Variants in PLCL1 observed in about 807,000 individuals in gnomAD.
The protein encoded by PLCL1 is phospholipase C like 1 (inactive).
In PLCL1, 41 loss-of-function variants were observed where a neutral mutation model predicts 84.4. That is an observed-to-expected ratio of 0.49 (90% confidence interval 0.38 to 0.63). The LOEUF is 0.63. PLCL1 is among the 30% of genes least tolerant of loss of function. The probability of loss-of-function intolerance (pLI) is 0.00; values close to 1 mark genes in which losing one functional copy is unlikely to be tolerated. For missense variants in PLCL1, 1,206 were observed against 1,367.8 expected, an observed-to-expected ratio of 0.88 and a Z score of 1.87; for synonymous variants, 490 against 488.3, an observed-to-expected ratio of 1.00 and a Z score of -0.05.
At chr2:197,885,128 C>A (rs1158547017) in intron 1 of PLCL1, among the ~76,000 whole-genome samples, 1 of 152,216 alleles carries the variant, frequency 6.6e-6, no homozygotes, top group African/African-American at 2.4e-5. Flanking sequence ...CTGGAACATT[C>A]GTTCTCATTT....
chr2:197,867,780 G>T (rs563317021), intron 1 of PLCL1, among the ~76,000 whole-genome samples: 1 of 152,188 alleles, frequency 6.6e-6, no homozygotes, highest in South Asian at 2.1e-4. Flanking sequence ...TTCTAGCGTG[G>T]CTCACTGTCC....
At chr2:197,808,419 A>G (rs550479300) in intron 1 of PLCL1, among the ~76,000 whole-genome samples, 6 of 152,328 alleles carry the variant, frequency 3.9e-5, no homozygotes, top group African/African-American at 1.4e-4. Flanking sequence ...TCAAACTTAT[A>G]GCATTTAAAA....
intron 1 of PLCL1, among the ~76,000 whole-genome samples, chr2:197,970,184 T>C (rs1344109967): frequency 6.6e-6 from 1 of 152,200 alleles, no homozygotes; most frequent in African/African-American, 2.4e-5. Flanking sequence ...GGTACCAGCA[T>C]CTGATAAGGG....
At chr2:197,938,121 G>A (rs1689085083) in intron 1 of PLCL1, among the ~76,000 whole-genome samples, 1 of 152,136 alleles carries the variant, frequency 6.6e-6, no homozygotes, top group African/African-American at 2.4e-5. Flanking sequence ...TAGAATTATA[G>A]TTCTTTTCCA....
chr2:197,906,817 T>C (rs1688391958), intron 1 of PLCL1, among the ~76,000 whole-genome samples: 1 of 152,214 alleles, frequency 6.6e-6, no homozygotes, highest in Admixed American at 6.5e-5. Flanking sequence ...TTTATTCTGT[T>C]TGTAGCAATT....
At chr2:197,922,805 G>A (rs1688735440) in intron 1 of PLCL1, among the ~76,000 whole-genome samples, 1 of 132,590 alleles carries the variant, frequency 7.5e-6, no homozygotes, top group African/African-American at 2.7e-5. Context: ...TCCCGGACGG[G>A]GCGGCTGGCC....
Position 197,983,200 on chromosome 2 carries a change from C to CTTTTTTTTTTTTTTTTTTTTT in PLCL1, c.241-100539_241-100519dup, listed in dbSNP as rs760577848. Among the ~76,000 whole-genome samples, 27 of 60,284 alleles carry CTTTTTTTTTTTTTTTTTTTTT rather than the reference C, an allele frequency of 4.5e-4. 1 individual carries two copies. Among genetic ancestry groups the CTTTTTTTTTTTTTTTTTTTTT allele is most frequent in the East Asian group, 1.1e-3 (2 of 1,876 alleles). The allele number at this position is 60,284 out of a possible 152,430, so 39.5% of individuals were successfully genotyped here. On this transcript the variant is annotated intron_variant, in intron 1 of 5. Coordinates refer to ENST00000428675, the MANE Select transcript of PLCL1 (RefSeq NM_006226.4). ...TTTCTTTTTCTTTTTCTTTTCTTTT[C>CTTTTTTTTTTTTTTTTTTTTT]TTTTTTTTTTTTTTTTTTTTTTTTT...
At chr2:197,977,357 G>A (rs1690008351) in intron 1 of PLCL1, among the ~76,000 whole-genome samples, 1 of 151,736 alleles carries the variant, frequency 6.6e-6, no homozygotes, top group African/African-American at 2.4e-5. Flanking sequence ...GCATTTCCAG[G>A]GGCCGTGCAG....
At chr2:198,015,623 T>A (rs139668380) in intron 1 of PLCL1, among the ~76,000 whole-genome samples, 296 of 152,302 alleles carry the variant, frequency 1.9e-3, no homozygotes, top group African/African-American at 6.9e-3. Context: ...TACTTGTTAA[T>A]ACAAATGGTG....
At chr2:197,858,302 A>G (rs1004799939) in intron 1 of PLCL1, among the ~76,000 whole-genome samples, 1 of 152,158 alleles carries the variant, frequency 6.6e-6, no homozygotes, top group African/African-American at 2.4e-5. Flanking sequence ...CCTCTTGTAA[A>G]ATAAAGTAAT....
In PLCL1 at chr2:198,057,305, G is replaced by A. The variant is rs928452724; in HGVS notation, c.241-26453G>A. ...CCTAGGCTCTTGATGGTGCTGGGTT[G>A]AAGGACAGGAGGAGCTGGTGAGGAT... On this transcript the variant is annotated intron_variant, in intron 1 of 5. Coordinates refer to ENST00000428675, the MANE Select transcript of PLCL1 (RefSeq NM_006226.4). Among the ~76,000 whole-genome samples, 7 of 152,262 alleles carry A rather than the reference G, an allele frequency of 4.6e-5. No individual in the cohort carries two copies. The East Asian group carries it at 9.6e-4, about 21-fold the overall frequency.
chr2:197,814,074 G>T (rs1409149820), intron 1 of PLCL1, among the ~76,000 whole-genome samples: 1 of 152,048 alleles, frequency 6.6e-6, no homozygotes, highest in East Asian at 1.9e-4. Context: ...CTTTAATATT[G>T]CATTCCATTT....
rs143100497 is a variant in PLCL1, at chr2:197,840,489, C to T, written c.240+35150C>T. Among the ~76,000 whole-genome samples, 1,048 of 152,212 alleles carry T rather than the reference C, an allele frequency of 6.9e-3. 11 individuals are homozygous for T. Among genetic ancestry groups the T allele is most frequent in the African/African-American group, 0.024 (1,004 of 41,528 alleles). Reference sequence around the variant, plus strand: ...TTGTTCACTAACTTCTCCATTTCATCATCAGAAGCTCACCCTTTCAAGCTA... The same window carrying T: ...TTGTTCACTAACTTCTCCATTTCATTATCAGAAGCTCACCCTTTCAAGCTA... On this transcript the variant is annotated intron_variant, in intron 1 of 5. Transcript: ENST00000428675.
At chr2:198,134,576 C>T (rs1308320352) in intron 5 of PLCL1, among the ~76,000 whole-genome samples, 1 of 152,090 alleles carries the variant, frequency 6.6e-6, no homozygotes, top group Non-Finnish European at 1.5e-5. Flanking sequence ...ATGGGATGGG[C>T]CAGCCGTACA....
At chr2:197,873,621 C>T (rs563154371) in intron 1 of PLCL1, among the ~76,000 whole-genome samples, 7 of 152,122 alleles carry the variant, frequency 4.6e-5, no homozygotes, top group Non-Finnish European at 7.3e-5. Context: ...TGAGTCACAA[C>T]GCATGCATCC....
At chr2:197,853,400 G>T (rs1282461667) in intron 1 of PLCL1, among the ~76,000 whole-genome samples, 3 of 152,170 alleles carry the variant, frequency 2.0e-5, no homozygotes, top group African/African-American at 7.2e-5. Context: ...GGGATTGCTG[G>T]ATCGATCATA....
Position 198,119,901 on chromosome 2 carries a change from C to T in PLCL1, c.3105+15965C>T, listed in dbSNP as rs1304131436. 5.3e-5 allele frequency among the ~76,000 whole-genome samples: 8 copies of T among 151,872 alleles called. No homozygotes were observed. The East Asian group carries it at 5.8e-4, about 11-fold the overall frequency. ...AAGATGATGCGACTAACTAGTAAGC[C>T]GTGGGGATGGATGCACACCTTGATC... On this transcript the variant is annotated intron_variant, in intron 5 of 5. Transcript: ENST00000428675.
At chr2:197,939,795 T>C (rs1689122310) in intron 1 of PLCL1, among the ~76,000 whole-genome samples, 1 of 151,744 alleles carries the variant, frequency 6.6e-6, no homozygotes, top group African/African-American at 2.4e-5. Context: ...TCAGTGTTTT[T>C]AATCGGCCAC....
At position 197,868,958 on chromosome 2, in the gene PLCL1, AAG is replaced by A. The variant is rs1687597033; in HGVS notation, c.240+63622_240+63623del. ...ATACCTAAATGATTAAACTTAGTGA[AAG>A]AGTGAGTTTTAGTCACATTTTAACT... On this transcript the variant is annotated intron_variant, in intron 1 of 5. Transcript: ENST00000428675. Among the ~76,000 whole-genome samples, 4 of 152,302 alleles carry A rather than the reference AAG, an allele frequency of 2.6e-5. 1 individual carries two copies. The highest frequency in any genetic ancestry group is 3.4e-3 in the Middle Eastern group (1 of 294).
Sources: gnomAD v4.1 joint callset for allele counts (sites outside exome capture counted in the v4.1 genomes callset) on GRCh38, gnomAD v4.1.1 for gene constraint, MANE v1.5 for transcripts, NCBI Gene and HGNC (gene_info 2026-07-23, HGNC 2026-07-21) for gene names.